Variants in CPPED1 observed in about 807,000 individuals in gnomAD.
The protein encoded by CPPED1 is calcineurin like phosphoesterase domain containing 1.
Under a neutral mutation model 28.0 loss-of-function variants are expected in CPPED1, and 28 were observed. The ratio of observed to expected loss-of-function variants is 1.00; its 90% CI spans 0.74 to 1.37. CPPED1 has a LOEUF of 1.37. Ranked by LOEUF, CPPED1 falls within the 40% of genes most tolerant of loss-of-function variation. CPPED1 has a pLI of 0.00. For missense variants in CPPED1, 504 were observed against 416.5 expected, an observed-to-expected ratio of 1.21 and a Z score of -1.83; for synonymous variants, 198 against 180.2, an observed-to-expected ratio of 1.10 and a Z score of -0.79.
At chr16:12,797,941 G>A (rs547470061) in intron 1 of CPPED1, among the ~76,000 whole-genome samples, 1 of 151,784 alleles carries the variant, frequency 6.6e-6, no homozygotes, top group East Asian at 2.0e-4. Context: ...AAATTAGCCA[G>A]GCATGGTGGT....
chr16:12,747,177 C>T (rs2080294829), intron 2 of CPPED1, among the ~76,000 whole-genome samples: 1 of 151,784 alleles, frequency 6.6e-6, no homozygotes, highest in Non-Finnish European at 1.5e-5. Flanking sequence ...TGTCTGTAAT[C>T]CCAGCATTTT....
intron 2 of CPPED1, among the ~76,000 whole-genome samples, chr16:12,714,754 C>CT (rs1284883283): frequency 6.6e-6 from 1 of 152,100 alleles, no homozygotes; most frequent in African/African-American, 2.4e-5. Flanking sequence ...TGTCTTTTCA[C>CT]TTTTTTGATA....
intron 3 of CPPED1, among the ~76,000 whole-genome samples, chr16:12,667,306 A>G (rs2079830924): frequency 6.6e-6 from 1 of 152,224 alleles, no homozygotes; most frequent in Admixed American, 6.6e-5. Flanking sequence ...CAATGTGTTT[A>G]AGATATCAAA....
Position 12,664,169 on chromosome 16 carries a change from G to C in CPPED1, c.*717C>G, listed in dbSNP as rs901856629. The C allele has an allele frequency of 6.2e-6, 1 of 160,352 alleles. No homozygotes were observed. The highest frequency in any genetic ancestry group is 2.4e-5 in the African/African-American group (1 of 41,570). 9.9% of individuals were successfully genotyped at this position (160,352 alleles called of 1,614,324 possible). ...CGTGCTCCCCAGAGACTGAAGAAGC[G>C]GCGTTTTAGAGCTTTGGTTTCAGTC... On this transcript the variant is annotated 3_prime_UTR_variant, in exon 4 of 4. Transcript: ENST00000381774. This position sits in a 1 kb window ranked among gnomAD's most constrained non-coding sequence, Gnocchi z 4.2.
At chr16:12,762,762 G>C (rs1344275930) in intron 2 of CPPED1, among the ~76,000 whole-genome samples, 2 of 151,950 alleles carry the variant, frequency 1.3e-5, no homozygotes, top group African/African-American at 4.8e-5. Context: ...GTTTTGTTTT[G>C]AGACAGTGTT....
chr16:12,800,462 G>A (rs890970019), intron 1 of CPPED1, among the ~76,000 whole-genome samples: 1 of 151,998 alleles, frequency 6.6e-6, no homozygotes, highest in African/African-American at 2.4e-5. Flanking sequence ...AAACCATGGG[G>A]GACTACAGAA....
At chr16:12,696,281 C>G (rs138845758) in intron 3 of CPPED1, among the ~76,000 whole-genome samples, 1 of 152,032 alleles carries the variant, frequency 6.6e-6, no homozygotes, top group Non-Finnish European at 1.5e-5. Flanking sequence ...GCAAGAAGGA[C>G]GCCAGCACCC....
chr16:12,763,686 G>A (rs1027949865), intron 2 of CPPED1, among the ~76,000 whole-genome samples: 2 of 152,134 alleles, frequency 1.3e-5, no homozygotes, highest in Non-Finnish European at 2.9e-5. Context: ...ATTTGGCCAG[G>A]AAACAAGAGA....
At chr16:12,786,166 T>A (rs1377592960) in intron 1 of CPPED1, among the ~76,000 whole-genome samples, 4 of 152,172 alleles carry the variant, frequency 2.6e-5, no homozygotes, top group Non-Finnish European at 5.9e-5. Context: ...GCCACAGCCT[T>A]ATTCCTCCAG....
At chr16:12,786,137 A>AG (rs2080561896) in intron 1 of CPPED1, among the ~76,000 whole-genome samples, 1 of 152,230 alleles carries the variant, frequency 6.6e-6, no homozygotes, top group African/African-American at 2.4e-5. Context: ...TGCTCATGGC[A>AG]CAGAGATGGC....
At chr16:12,683,172 G>A (rs2079914664) in intron 3 of CPPED1, among the ~76,000 whole-genome samples, 2 of 152,158 alleles carry the variant, frequency 1.3e-5, no homozygotes, top group Admixed American at 6.5e-5. Context: ...AAGGACCTTG[G>A]GTAAGTGAGA....
At chr16:12,726,584 C>T (rs1185954935) in intron 2 of CPPED1, among the ~76,000 whole-genome samples, 1 of 151,988 alleles carries the variant, frequency 6.6e-6, no homozygotes, top group Non-Finnish European at 1.5e-5. Flanking sequence ...CTCAAGTGAT[C>T]TGCCCACCTC....
chr16:12,740,403 C>A (rs1162453302), intron 2 of CPPED1, among the ~76,000 whole-genome samples: 1 of 151,022 alleles, frequency 6.6e-6, no homozygotes, highest in Non-Finnish European at 1.5e-5. Flanking sequence ...AGAGATTGCA[C>A]CACTGCACAC....
In CPPED1 at chr16:12,664,255, C is replaced by G; in HGVS notation, c.*631G>C. On this transcript the variant is annotated 3_prime_UTR_variant, in exon 4 of 4. Transcript: ENST00000381774. The surrounding 1 kb of genome is among the most constrained non-coding windows in gnomAD (Gnocchi z 4.2). ...TGCAAAGGTGACTTTTCTAGGCACC[C>G]AGGAAGGCAAATTTAAGCTCCGAGC... 1.6e-6 allele frequency: 1 copy of G among 638,444 alleles called. No homozygotes were observed. Among genetic ancestry groups the G allele is most frequent in the Non-Finnish European group, 2.0e-6 (1 of 512,736 alleles). The allele number at this position is 638,444 out of a possible 1,614,324, so 39.5% of individuals were successfully genotyped here.
intron 2 of CPPED1, among the ~76,000 whole-genome samples, chr16:12,754,180 C>G (rs763365552): frequency 5.9e-5 from 9 of 152,120 alleles, no homozygotes; most frequent in Non-Finnish European, 8.8e-5. Flanking sequence ...GCTTTTGAAC[C>G]CACCCATTTG....
At chr16:12,752,106 G>A (rs1050490539) in intron 2 of CPPED1, among the ~76,000 whole-genome samples, 11 of 152,042 alleles carry the variant, frequency 7.2e-5, no homozygotes, top group Non-Finnish European at 8.8e-5. Flanking sequence ...AAGCTTCCTC[G>A]TAATAAACTA....
chr16:12,738,963 G>C (rs907012756), intron 2 of CPPED1, among the ~76,000 whole-genome samples: 4 of 152,186 alleles, frequency 2.6e-5, no homozygotes, highest in Non-Finnish European at 5.9e-5. Flanking sequence ...CTGATCCCAG[G>C]ATCAGCAGTG....
intron 2 of CPPED1, chr16:12,780,980 T>C (rs1317582643): frequency 5.1e-6 from 3 of 582,858 alleles, no homozygotes; most frequent in Non-Finnish European, 9.2e-6. Context: ...CTGTGCCTAA[T>C]TACTGTGATT....
At chr16:12,747,744 C>T (rs75425758) in intron 2 of CPPED1, among the ~76,000 whole-genome samples, 7,472 of 152,120 alleles carry the variant, frequency 0.049, 635 homozygotes, top group African/African-American at 0.17. Context: ...GGGCGTGACA[C>T]GTGCACTCAT....
Sources: gnomAD v4.1 joint callset for allele counts (sites outside exome capture counted in the v4.1 genomes callset) on GRCh38, gnomAD v4.1.1 for gene constraint, Gnocchi (gnomAD v3.1) non-coding constraint, MANE v1.5 for transcripts, NCBI Gene and HGNC (gene_info 2026-07-23, HGNC 2026-07-21) for gene names.